Variants in NPAS3 observed in about 807,000 individuals in gnomAD.
The protein encoded by NPAS3 is neuronal PAS domain-containing protein 3.
In NPAS3, 14 loss-of-function variants were observed where a neutral mutation model predicts 73.1. The observed-to-expected ratio is 0.19, with a 90% CI of 0.13 to 0.30. The LOEUF is 0.30. Ranked by LOEUF, NPAS3 falls within the 10% of genes least tolerant of loss-of-function variation. The pLI is 1.00. For synonymous variants in NPAS3, 620 were observed against 541.5 expected, an observed-to-expected ratio of 1.14 and a Z score of -2.01; for missense variants, 1,096 against 1,250.0, an observed-to-expected ratio of 0.88 and a Z score of 1.86.
chr14:33,610,123 G>T (rs979844541), intron 5 of NPAS3, among the ~76,000 whole-genome samples: 3 of 152,010 alleles, frequency 2.0e-5, no homozygotes, highest in African/African-American at 7.2e-5. Flanking sequence ...CCAAACCAGT[G>T]TTGGAAATAA....
At chr14:33,788,824 G>A (rs990603938) in intron 9 of NPAS3, among the ~76,000 whole-genome samples, 3 of 152,068 alleles carry the variant, frequency 2.0e-5, no homozygotes, top group Admixed American at 6.5e-5. Flanking sequence ...GCAGGGCCAC[G>A]GATGTGTACC....
chr14:33,073,796 AT>A (rs1257660998), intron 2 of NPAS3, among the ~76,000 whole-genome samples: 17 of 152,202 alleles, frequency 1.1e-4, no homozygotes, highest in African/African-American at 4.1e-4. Flanking sequence ...AATGTGTGGG[AT>A]TTTTGTAACC....
intron 5 of NPAS3, among the ~76,000 whole-genome samples, chr14:33,621,944 A>G (rs552839887): frequency 5.3e-5 from 8 of 152,292 alleles, no homozygotes; most frequent in Non-Finnish European, 5.9e-5. Flanking sequence ...CTTGGAGCCC[A>G]TAATGAGGAA....
intron 3 of NPAS3, among the ~76,000 whole-genome samples, chr14:33,289,868 T>C (rs911138264): frequency 1.3e-5 from 2 of 151,906 alleles, no homozygotes; most frequent in Non-Finnish European, 2.9e-5. Context: ...AGAAATTGGC[T>C]GTGTTTCTTT....
chr14:33,020,519 T>G (rs2039554065), intron 1 of NPAS3, among the ~76,000 whole-genome samples: 1 of 152,172 alleles, frequency 6.6e-6, no homozygotes, highest in African/African-American at 2.4e-5. Flanking sequence ...ACTCGATAAA[T>G]GGTGGTGAAT....
chr14:33,444,867 C>A (rs977218688), intron 4 of NPAS3, among the ~76,000 whole-genome samples: 1 of 152,242 alleles, frequency 6.6e-6, no homozygotes, highest in African/African-American at 2.4e-5. Context: ...ATGTTACTCC[C>A]AACAGATAGT....
chr14:32,976,237 G>T (rs1352235933), intron 1 of NPAS3, among the ~76,000 whole-genome samples: 1 of 152,162 alleles, frequency 6.6e-6, no homozygotes, highest in African/African-American at 2.4e-5. Context: ...GGTGGGGACA[G>T]TTAGGAAGAC....
Position 33,448,823 on chromosome 14 carries a change from T to C in NPAS3, c.468+81555T>C, listed in dbSNP as rs141426246. 5.3e-4 allele frequency among the ~76,000 whole-genome samples: 80 copies of C among 152,254 alleles called. 1 individual carries two copies. The highest frequency in any genetic ancestry group is 1.7e-3 in the African/African-American group (72 of 41,550). ...CAGATGTGAATGAAAAATAGCAGCATACAAGCATCTGAACTGGCTTGGTCA... is the reference window on the plus strand; with the variant it reads ...CAGATGTGAATGAAAAATAGCAGCACACAAGCATCTGAACTGGCTTGGTCA... On this transcript the variant is annotated intron_variant, in intron 4 of 11. Transcript: ENST00000356141.
intron 3 of NPAS3, among the ~76,000 whole-genome samples, chr14:33,245,435 T>G (rs1382115221): frequency 6.6e-6 from 1 of 152,170 alleles, no homozygotes; most frequent in East Asian, 1.9e-4. Flanking sequence ...TGACGTAGGG[T>G]TCTGTCCTAA....
intron 5 of NPAS3, among the ~76,000 whole-genome samples, chr14:33,615,061 A>G (rs1372688181): frequency 1.3e-5 from 2 of 152,176 alleles, no homozygotes; most frequent in African/African-American, 4.8e-5. Context: ...AGCAAAGGCC[A>G]TTCTAGGTGA....
chr14:33,626,763 A>G (rs752940200), intron 5 of NPAS3, among the ~76,000 whole-genome samples: 2 of 152,172 alleles, frequency 1.3e-5, no homozygotes, highest in Non-Finnish European at 2.9e-5. Context: ...ATAGATAGAC[A>G]ATAAGTAGAA....
At chr14:33,432,584 TTC>T (rs1317154863) in intron 4 of NPAS3, among the ~76,000 whole-genome samples, 1 of 152,188 alleles carries the variant, frequency 6.6e-6, no homozygotes, top group Non-Finnish European at 1.5e-5. Context: ...ATTTCTCATG[TTC>T]TGTTTCAAAG....
intron 1 of NPAS3, among the ~76,000 whole-genome samples, chr14:32,995,898 C>A (rs1178959543): frequency 6.6e-6 from 1 of 152,078 alleles, no homozygotes; most frequent in East Asian, 1.9e-4. Context: ...GAAAAGATAC[C>A]TGAAATTGTG....
chr14:33,148,802 C>G (rs933277625), intron 2 of NPAS3, among the ~76,000 whole-genome samples: 1 of 152,116 alleles, frequency 6.6e-6, no homozygotes, highest in African/African-American at 2.4e-5. Flanking sequence ...ATATTCCCAC[C>G]TCAGCGTCCC....
chr14:32,990,089 G>A (rs2038270018), intron 1 of NPAS3, among the ~76,000 whole-genome samples: 1 of 152,162 alleles, frequency 6.6e-6, no homozygotes, highest in Non-Finnish European at 1.5e-5. Context: ...CCTGAAACAG[G>A]GAATGTAGGA....
At chr14:33,671,655 A>T (rs2059613249) in intron 5 of NPAS3, among the ~76,000 whole-genome samples, 2 of 152,230 alleles carry the variant, frequency 1.3e-5, no homozygotes, top group Non-Finnish European at 2.9e-5. Context: ...CCCCTGATGC[A>T]TTCTCAGCTG....
At chr14:33,451,157 A>T (rs767814054) in intron 4 of NPAS3, among the ~76,000 whole-genome samples, 24 of 152,244 alleles carry the variant, frequency 1.6e-4, no homozygotes, top group Non-Finnish European at 2.2e-4. Flanking sequence ...CATAAAAAAT[A>T]CATGCCTAAT....
At chr14:33,664,791 A>G (rs2059405420) in intron 5 of NPAS3, among the ~76,000 whole-genome samples, 3 of 152,366 alleles carry the variant, frequency 2.0e-5, no homozygotes, top group Admixed American at 1.3e-4. Flanking sequence ...GAGAAATGCA[A>G]ATCAAAACCA....
chr14:33,337,248 G>A (rs1366973639), intron 3 of NPAS3, among the ~76,000 whole-genome samples: 5 of 152,004 alleles, frequency 3.3e-5, no homozygotes, highest in African/African-American at 1.2e-4. Flanking sequence ...ATTAATTTTT[G>A]CTCATGATAT....
Sources: gnomAD v4.1 joint callset for allele counts (sites outside exome capture counted in the v4.1 genomes callset) on GRCh38, gnomAD v4.1.1 for gene constraint, MANE v1.5 for transcripts, NCBI Gene and HGNC (gene_info 2026-07-23, HGNC 2026-07-21) for gene names.